TBC1D22A: variants seen among roughly 807,000 people sequenced by gnomAD.
TBC1D22A encodes putative GTPase activator.
Under a neutral mutation model 60.2 loss-of-function variants are expected in TBC1D22A, and 38 were observed. The ratio of observed to expected loss-of-function variants is 0.63; its 90% CI spans 0.49 to 0.83. The LOEUF is 0.83. TBC1D22A is among the 40% of genes least tolerant of loss of function. The probability of loss-of-function intolerance (pLI) is 0.00; values close to 1 mark genes in which losing one functional copy is unlikely to be tolerated. For missense variants in TBC1D22A, 628 were observed against 701.0 expected, an observed-to-expected ratio of 0.90 and a Z score of 1.18; for synonymous variants, 302 against 281.7, an observed-to-expected ratio of 1.07 and a Z score of -0.72.
intron 12 of TBC1D22A, among the ~76,000 whole-genome samples, chr22:47,129,293 A>G (rs6008040): frequency 0.37 from 56,187 of 152,152 alleles, 10,890 homozygotes; most frequent in South Asian, 0.54. Flanking sequence ...CCCAGCCAAC[A>G]TGGTGAAACC....
At chr22:46,848,289 A>G (rs1299261405) in intron 4 of TBC1D22A, among the ~76,000 whole-genome samples, 13 of 152,258 alleles carry the variant, frequency 8.5e-5, no homozygotes. Flanking sequence ...CCTTGCGGGC[A>G]TAAATCTCAT....
intron 12 of TBC1D22A, among the ~76,000 whole-genome samples, chr22:47,146,496 A>T (rs34699358): frequency 0.024 from 3,715 of 152,328 alleles, 131 homozygotes; most frequent in Admixed American, 0.096. Context: ...CCAAGAAAGC[A>T]TTGGCAACTG....
intron 11 of TBC1D22A, among the ~76,000 whole-genome samples, chr22:47,088,874 C>A (rs1335862729): frequency 6.6e-6 from 1 of 152,224 alleles, no homozygotes; most frequent in Non-Finnish European, 1.5e-5. Flanking sequence ...ACAGCTCCAA[C>A]AGCGAAGCGT....
rs1402255789 is a variant in TBC1D22A at position 47,135,741 on chromosome 22, AG to A, written c.1425+24142del. On this transcript the variant is annotated intron_variant, in intron 12 of 12. Coordinates refer to ENST00000337137, the MANE Select transcript of TBC1D22A (RefSeq NM_014346.5). Reference sequence around the variant, plus strand: ...GTACTTGTTGAAGGAATGAAAGTCGAGGGGAAGTGACCAAAAAGCTCTAGGC... The same window carrying A: ...GTACTTGTTGAAGGAATGAAAGTCGAGGGAAGTGACCAAAAAGCTCTAGGC... Among the ~76,000 whole-genome samples the A allele has an allele frequency of 2.6e-5, 4 of 152,354 alleles. No homozygotes were observed. The East Asian group carries it at 7.7e-4, about 29-fold the overall frequency.
intron 11 of TBC1D22A, among the ~76,000 whole-genome samples, chr22:47,109,032 C>G (rs2065746926): frequency 6.6e-6 from 1 of 152,194 alleles, no homozygotes; most frequent in Admixed American, 6.5e-5. Context: ...AGTTATACCT[C>G]AGGAGAGCTG....
chr22:47,075,890 C>T (rs945767605), intron 11 of TBC1D22A, among the ~76,000 whole-genome samples: 1 of 151,898 alleles, frequency 6.6e-6, no homozygotes, highest in Non-Finnish European at 1.5e-5. Flanking sequence ...AAGAAAGTTG[C>T]AATAGCTACA....
chr22:47,113,540 G>T (rs2065924311), intron 12 of TBC1D22A, among the ~76,000 whole-genome samples: 1 of 152,200 alleles, frequency 6.6e-6, no homozygotes, highest in African/African-American at 2.4e-5. Flanking sequence ...CCCACTCTGG[G>T]CAGACTCTAA....
At chr22:46,973,995 T>G (rs1052709919) in intron 8 of TBC1D22A, among the ~76,000 whole-genome samples, 1 of 152,248 alleles carries the variant, frequency 6.6e-6, no homozygotes, top group African/African-American at 2.4e-5. Context: ...ATATATTCTA[T>G]TTTCTCTCTT....
At chr22:46,853,643 G>T (rs908640402) in intron 4 of TBC1D22A, among the ~76,000 whole-genome samples, 19 of 152,208 alleles carry the variant, frequency 1.2e-4, no homozygotes, top group African/African-American at 4.3e-4. Flanking sequence ...GGTCACCAAA[G>T]ACACCACATT....
chr22:47,078,187 TGGTAAAA>T (rs2064307818), intron 11 of TBC1D22A, among the ~76,000 whole-genome samples: 1 of 152,160 alleles, frequency 6.6e-6, no homozygotes, highest in Non-Finnish European at 1.5e-5. Flanking sequence ...GGCTATCACT[TGGTAAAA>T]GTATGTGGCA....
At chr22:46,973,134 C>T (rs1035262745) in intron 8 of TBC1D22A, among the ~76,000 whole-genome samples, 1 of 152,208 alleles carries the variant, frequency 6.6e-6, no homozygotes, top group African/African-American at 2.4e-5. Context: ...AGGGCTGCGA[C>T]TGGGGAAGCA....
chr22:47,114,300 T>A (rs971578846), intron 12 of TBC1D22A, among the ~76,000 whole-genome samples: 10 of 151,988 alleles, frequency 6.6e-5, no homozygotes, highest in African/African-American at 2.4e-4. Context: ...GTGCACACTC[T>A]GAGAGCCTGT....
At chr22:47,016,976 G>C (rs930174016) in intron 10 of TBC1D22A, among the ~76,000 whole-genome samples, 1 of 152,202 alleles carries the variant, frequency 6.6e-6, no homozygotes, top group Admixed American at 6.5e-5. Context: ...TGTCTGACGC[G>C]CTCAGGCCTG....
Position 47,096,870 on chromosome 22 carries a change from G to A in TBC1D22A, c.1330-14638G>A, listed in dbSNP as rs2065200282. ...AAATAAAGTATATCCTTTGTGTCCT[G>A]AAGTGTTGTTTTTAGGCGCCACTTT... On this transcript the variant is annotated intron_variant, in intron 11 of 12. Transcript: ENST00000337137. Among the ~76,000 whole-genome samples, 4 of 152,330 alleles carry A rather than the reference G, an allele frequency of 2.6e-5. No homozygotes were observed. The South Asian group carries it at 8.3e-4, about 32-fold the overall frequency.
chr22:46,841,997 G>A (rs1269216426), intron 4 of TBC1D22A, among the ~76,000 whole-genome samples: 1 of 152,078 alleles, frequency 6.6e-6, no homozygotes, highest in African/African-American at 2.4e-5. Context: ...CTGTTAAGCT[G>A]GAAAAAAATT....
At chr22:47,121,622 A>G (rs1000334365) in intron 12 of TBC1D22A, among the ~76,000 whole-genome samples, 1 of 152,254 alleles carries the variant, frequency 6.6e-6, no homozygotes, top group African/African-American at 2.4e-5. Context: ...ACGCGTGGAC[A>G]GAAAGACCGA....
intron 10 of TBC1D22A, among the ~76,000 whole-genome samples, chr22:46,998,920 T>C (rs541688570): frequency 1.3e-5 from 2 of 152,368 alleles, no homozygotes; most frequent in Non-Finnish European, 2.9e-5. Context: ...TGGGTGCGGC[T>C]GGGTTCTTTT....
At chr22:46,831,066 A>T (rs1254275020) in intron 4 of TBC1D22A, among the ~76,000 whole-genome samples, 2 of 152,146 alleles carry the variant, frequency 1.3e-5, no homozygotes, top group Non-Finnish European at 2.9e-5. Context: ...GAGGAAGAGC[A>T]GATTGGGCAG....
chr22:46,879,956 G>T lies in TBC1D22A; in HGVS notation c.708+1233G>T, dbSNP rs114705371. 5.4e-3 allele frequency among the ~76,000 whole-genome samples: 819 copies of T among 152,338 alleles called. 11 individuals are homozygous for T. Among genetic ancestry groups the T allele is most frequent in the African/African-American group, 0.019 (784 of 41,562 alleles). On this transcript the variant is annotated intron_variant, in intron 5 of 12. Transcript: ENST00000337137. Reference sequence around the variant, plus strand: ...GATTTCAGTAGACAGAGGAGCACAAGGGGAGGTGACAGCCCCACTCTGCTG... The same window carrying T: ...GATTTCAGTAGACAGAGGAGCACAATGGGAGGTGACAGCCCCACTCTGCTG...
Sources: gnomAD v4.1 joint callset for allele counts (sites outside exome capture counted in the v4.1 genomes callset) on GRCh38, gnomAD v4.1.1 for gene constraint, MANE v1.5 for transcripts, NCBI Gene and HGNC (gene_info 2026-07-23, HGNC 2026-07-21) for gene names.